Variants in VPS41 observed in about 807,000 individuals in gnomAD.
VPS41 encodes VPS41 subunit of HOPS complex.
In VPS41, 85 loss-of-function variants were observed where a neutral mutation model predicts 130.9. The observed-to-expected ratio is 0.65, with a 90% CI of 0.55 to 0.78. The LOEUF is 0.78. VPS41 is among the 30% of genes least tolerant of loss of function. The probability of loss-of-function intolerance (pLI) is 0.00; values close to 1 mark genes in which losing one functional copy is unlikely to be tolerated. For synonymous variants in VPS41, 335 were observed against 332.9 expected (o/e 1.01, Z -0.07); for missense variants, 874 against 1,018.7 (o/e 0.86, Z 1.93).
intron 10 of VPS41, among the ~76,000 whole-genome samples, chr7:38,777,280 G>T (rs559529100): frequency 9.7e-4 from 147 of 152,042 alleles, no homozygotes; most frequent in Non-Finnish European, 1.7e-3. Flanking sequence ...GTTAAAAAAA[G>T]ATGCATAAAT....
At chr7:38,734,167 C>A (rs1055422864) in intron 25 of VPS41, among the ~76,000 whole-genome samples, 1 of 152,170 alleles carries the variant, frequency 6.6e-6, no homozygotes, top group Non-Finnish European at 1.5e-5. Context: ...TAATTTTCAT[C>A]TCAAAAAATA....
Position 38,859,579 on chromosome 7 carries a change from CAAT to C in VPS41, c.246+2963_246+2965del, listed in dbSNP as rs538750594. ...TTCCAATTGCCTATGGTATTCAGGACAATAATATGCTGTACAGGTTTGTAGTCT... is the reference window on the plus strand; with the variant it reads ...TTCCAATTGCCTATGGTATTCAGGACAATATGCTGTACAGGTTTGTAGTCT... On this transcript the variant is annotated intron_variant, in intron 4 of 28. Coordinates refer to ENST00000310301, the MANE Select transcript of VPS41 (RefSeq NM_014396.4). Among the ~76,000 whole-genome samples, 562 of 152,194 alleles carry C rather than the reference CAAT, an allele frequency of 3.7e-3. 2 individuals carry two copies. Among genetic ancestry groups the C allele is most frequent in the Middle Eastern group, 6.8e-3 (2 of 294 alleles).
intron 25 of VPS41, among the ~76,000 whole-genome samples, chr7:38,738,552 C>T (rs1212348941): frequency 6.6e-6 from 1 of 152,044 alleles, no homozygotes; most frequent in Non-Finnish European, 1.5e-5. Flanking sequence ...CAACTACATG[C>T]TAAATTTATA....
In VPS41 at chr7:38,786,264, C is replaced by T. The variant is rs906613345; in HGVS notation, c.784+3537G>A. Reference sequence around the variant, plus strand: ...GTTACCTAACCCTTCTGAACATCAGCTTCTTCACTTACACCATGGGGATAG... The same window carrying T: ...GTTACCTAACCCTTCTGAACATCAGTTTCTTCACTTACACCATGGGGATAG... On this transcript the variant is annotated intron_variant, in intron 10 of 28. Transcript: ENST00000310301. 4.6e-5 allele frequency among the ~76,000 whole-genome samples: 7 copies of T among 152,338 alleles called. No individual in the cohort carries two copies. The South Asian group carries it at 1.4e-3, about 32-fold the overall frequency.
At chr7:38,735,988 G>A (rs1795754908) in intron 25 of VPS41, among the ~76,000 whole-genome samples, 2 of 152,020 alleles carry the variant, frequency 1.3e-5, no homozygotes, top group African/African-American at 4.8e-5. Context: ...TGTCATTTTT[G>A]AGGCAAAAGA....
intron 14 of VPS41, among the ~76,000 whole-genome samples, chr7:38,769,040 A>G (rs1354835290): frequency 2.6e-5 from 4 of 152,134 alleles, no homozygotes; most frequent in African/African-American, 9.7e-5. Flanking sequence ...ACTCCCTACA[A>G]CATGTTCAGA....
At chr7:38,772,899 G>C (rs1784182348) in intron 12 of VPS41, among the ~76,000 whole-genome samples, 1 of 151,716 alleles carries the variant, frequency 6.6e-6, no homozygotes, top group African/African-American at 2.4e-5. Flanking sequence ...GGACAGAAAG[G>C]GAGGGAATGA....
intron 4 of VPS41, among the ~76,000 whole-genome samples, chr7:38,861,319 T>G (rs992695500): frequency 2.0e-5 from 3 of 152,006 alleles, no homozygotes; most frequent in Admixed American, 6.6e-5. Flanking sequence ...TTTTTAAAGG[T>G]GAGGGGGCAC....
At chr7:38,877,385 C>T (rs932419572) in intron 2 of VPS41, among the ~76,000 whole-genome samples, 11 of 152,008 alleles carry the variant, frequency 7.2e-5, no homozygotes, top group Non-Finnish European at 1.5e-4. Context: ...AAGGAAAGGG[C>T]TGGCAATTTT....
rs1438605815 is a variant in VPS41, at chr7:38,795,445, A to G, written c.717+20T>C. 1 of 1,605,398 alleles carries G rather than the reference A, an allele frequency of 6.2e-7. No individual in the cohort carries two copies. Among genetic ancestry groups the G allele is most frequent in the East Asian group, 2.2e-5 (1 of 44,714 alleles). The stretch of plus-strand genomic sequence containing the variant: ...GGATCTATAACAACACGGACTTATT[A>G]TAAAGACAAGCAAAACCACCTTGAC... On this transcript the variant is annotated intron_variant, in intron 9 of 28. Transcript: ENST00000310301.
chr7:38,789,782 G>GC lies in VPS41; in HGVS notation c.784+18dup. 6.2e-7 allele frequency: 1 copy of GC among 1,612,458 alleles called. No homozygotes were observed. The highest frequency in any genetic ancestry group is 2.2e-5 in the East Asian group (1 of 44,836). ...GAATGAAGTTTTACATCCACAGAAG[G>GC]CAAGTGTTGGAGCCATACCTATTTC... On this transcript the variant is annotated intron_variant, in intron 10 of 28. Coordinates refer to ENST00000310301, the MANE Select transcript of VPS41 (RefSeq NM_014396.4).
chr7:38,771,382 T>C (rs1784151379), intron 13 of VPS41, 128 bp from the exon 14 acceptor site: 3 of 639,222 alleles, frequency 4.7e-6, no homozygotes, highest in Middle Eastern at 4.0e-4. Flanking sequence ...TTTAGCATTC[T>C]GCACTACACG....
intron 2 of VPS41, among the ~76,000 whole-genome samples, chr7:38,892,604 TGATC>T (rs1259354225): frequency 6.6e-6 from 1 of 152,224 alleles, no homozygotes; most frequent in Non-Finnish European, 1.5e-5. Flanking sequence ...GAAATTAATT[TGATC>T]ATTTGCTTTT....
intron 7 of VPS41, among the ~76,000 whole-genome samples, chr7:38,806,502 T>TA (rs1374627194): frequency 6.6e-6 from 1 of 152,200 alleles, no homozygotes; most frequent in African/African-American, 2.4e-5. Flanking sequence ...TGTACAGTGA[T>TA]AAGTTAAAAC....
chr7:38,800,697 A>C (rs1390530958), intron 7 of VPS41, among the ~76,000 whole-genome samples: 1 of 152,110 alleles, frequency 6.6e-6, no homozygotes, highest in East Asian at 1.9e-4. Flanking sequence ...TTAGCCAAGC[A>C]TGGTGGCCGG....
At chr7:38,833,670 C>T (rs1481704353) in intron 4 of VPS41, among the ~76,000 whole-genome samples, 1 of 152,182 alleles carries the variant, frequency 6.6e-6, no homozygotes, top group East Asian at 1.9e-4. Flanking sequence ...CTCCTTAGCA[C>T]TTGCCACTAT....
intron 19 of VPS41, among the ~76,000 whole-genome samples, chr7:38,756,387 T>A (rs1451659434): frequency 6.6e-6 from 1 of 151,986 alleles, no homozygotes; most frequent in Non-Finnish European, 1.5e-5. Flanking sequence ...GAGCATCACC[T>A]CAAACCAGGG....
At chr7:38,856,915 A>T (rs1023901011) in intron 4 of VPS41, among the ~76,000 whole-genome samples, 109 of 152,332 alleles carry the variant, frequency 7.2e-4, no homozygotes, top group Non-Finnish European at 5.4e-4. Context: ...ATTACTAGAG[A>T]GGGAAGAAAT....
In VPS41 at chr7:38,780,909, A is replaced by G. The variant is rs545888508; in HGVS notation, c.785-4133T>C. ...TTCTCACAAGATCTGGTGGTTTAGA[A>G]GTGTGTGGCATCTACCCCTGCCTCT... On this transcript the variant is annotated intron_variant, in intron 10 of 28. Transcript: ENST00000310301. 5.5e-4 allele frequency among the ~76,000 whole-genome samples: 84 copies of G among 152,238 alleles called. 1 individual carries two copies. The highest frequency in any genetic ancestry group is 1.1e-3 in the Non-Finnish European group (78 of 68,008).
Sources: allele counts gnomAD v4.1 joint callset (sites outside exome capture counted in the v4.1 genomes callset), GRCh38; gene constraint gnomAD v4.1.1; transcripts MANE v1.5; gene names NCBI Gene and HGNC (gene_info 2026-07-23, HGNC 2026-07-21).